Variants in ENTREP2 observed in about 807,000 individuals in gnomAD.
ENTREP2 encodes the protein protein ENTREP2.
At chr15:29,474,609 C>T in the ENTREP2 span, among the ~76,000 whole-genome samples, 1 of 151,998 alleles carries the variant, frequency 6.6e-6, no homozygotes, top group South Asian at 2.1e-4. Flanking sequence ...GGCTGGAGTG[C>T]AGTGGTACAA....
chr15:29,470,809 C>T, the ENTREP2 span, among the ~76,000 whole-genome samples: 1 of 152,178 alleles, frequency 6.6e-6, no homozygotes, highest in African/African-American at 2.4e-5. Context: ...GATTCTCTTC[C>T]TAGATTAATT....
the ENTREP2 span, among the ~76,000 whole-genome samples, chr15:29,391,786 A>T: frequency 6.6e-6 from 1 of 152,134 alleles, no homozygotes; most frequent in Non-Finnish European, 1.5e-5. Context: ...TTTCAAAATA[A>T]TTTGTTTCCT....
chr15:29,219,142 G>A, the ENTREP2 span, among the ~76,000 whole-genome samples: 2 of 151,332 alleles, frequency 1.3e-5, no homozygotes, highest in African/African-American at 4.9e-5. Flanking sequence ...CCATCAAAAA[G>A]TGGGCTAAGG....
chr15:29,650,503 G>A, the ENTREP2 span, among the ~76,000 whole-genome samples: 1 of 152,032 alleles, frequency 6.6e-6, no homozygotes, highest in Non-Finnish European at 1.5e-5. Context: ...TGAGACAGGA[G>A]AATCACTTGA....
the ENTREP2 span, chr15:29,234,795 A>G: frequency 6.8e-7 from 1 of 1,472,752 alleles, no homozygotes. Flanking sequence ...CCATCTCCAG[A>G]GCAGGATACA....
chr15:29,446,266 C>A, the ENTREP2 span, among the ~76,000 whole-genome samples: 5,362 of 152,290 alleles, frequency 0.035, 133 homozygotes, highest in South Asian at 0.11. Context: ...AGCAACCCCA[C>A]ACGGACTAAG....
chr15:29,621,866 A>G, the ENTREP2 span, among the ~76,000 whole-genome samples: 11,000 of 152,254 alleles, frequency 0.072, 483 homozygotes, highest in East Asian at 0.16. Flanking sequence ...CAAGCCAAGC[A>G]TCCATCCACA....
the ENTREP2 span, among the ~76,000 whole-genome samples, chr15:29,535,888 G>A: frequency 6.6e-6 from 1 of 152,028 alleles, no homozygotes; most frequent in Non-Finnish European, 1.5e-5. Flanking sequence ...TTGAAGCACT[G>A]GCTACAATCC....
the ENTREP2 span, among the ~76,000 whole-genome samples, chr15:29,312,824 C>G: frequency 6.6e-6 from 1 of 152,096 alleles, no homozygotes; most frequent in Non-Finnish European, 1.5e-5. Flanking sequence ...AAGGGTCACA[C>G]GTTTCTCATT....
chr15:29,519,341 T>A, the ENTREP2 span, among the ~76,000 whole-genome samples: 2 of 151,638 alleles, frequency 1.3e-5, no homozygotes. Flanking sequence ...TTACACTGAG[T>A]GTGCCTGCCT....
At chr15:29,164,448 CTAACACA>C in the ENTREP2 span, among the ~76,000 whole-genome samples, 6 of 152,230 alleles carry the variant, frequency 3.9e-5, no homozygotes, top group Non-Finnish European at 7.4e-5. Context: ...GGAGACTCAC[CTAACACA>C]TAAGGACTCA....
At chr15:29,498,987 C>T in the ENTREP2 span, among the ~76,000 whole-genome samples, 1 of 152,054 alleles carries the variant, frequency 6.6e-6, no homozygotes, top group African/African-American at 2.4e-5. Flanking sequence ...TTTTGGTTTC[C>T]ATTTGCAAGA....
chr15:29,434,254 T>C, the ENTREP2 span, among the ~76,000 whole-genome samples: 1 of 152,224 alleles, frequency 6.6e-6, no homozygotes, highest in African/African-American at 2.4e-5. Context: ...TGCATTTCAT[T>C]GCCTCTGCTT....
At chr15:29,519,400 C>A in the ENTREP2 span, among the ~76,000 whole-genome samples, 31 of 152,012 alleles carry the variant, frequency 2.0e-4, no homozygotes, top group South Asian at 4.8e-3. Flanking sequence ...TCTGCCACCC[C>A]GAGATAGCAA....
At chr15:29,667,156 T>G in the ENTREP2 span, among the ~76,000 whole-genome samples, 2 of 152,084 alleles carry the variant, frequency 1.3e-5, no homozygotes, top group Non-Finnish European at 2.9e-5. Flanking sequence ...GGTGCCAGGT[T>G]AGGGCTTCAA....
the ENTREP2 span, among the ~76,000 whole-genome samples, chr15:29,139,251 G>A: frequency 2.6e-5 from 4 of 152,288 alleles, no homozygotes; most frequent in Admixed American, 6.5e-5. Context: ...AATGGCTCCC[G>A]TGGGCCTCCT....
the ENTREP2 span, among the ~76,000 whole-genome samples, chr15:29,314,962 G>A: frequency 6.6e-6 from 1 of 152,212 alleles, no homozygotes; most frequent in Non-Finnish European, 1.5e-5. Flanking sequence ...TGAGGCAGGA[G>A]AATTGTTTGA....
the ENTREP2 span, among the ~76,000 whole-genome samples, chr15:29,658,403 G>T: frequency 6.6e-6 from 1 of 152,174 alleles, no homozygotes; most frequent in African/African-American, 2.4e-5. Flanking sequence ...CCAGTCTCGA[G>T]TATGTCCTTA....
At chr15:29,463,751 T>G in the ENTREP2 span, among the ~76,000 whole-genome samples, 1 of 152,196 alleles carries the variant, frequency 6.6e-6, no homozygotes, top group Non-Finnish European at 1.5e-5. Flanking sequence ...CAGATATCTG[T>G]GCACCTATGT....
Sources: gnomAD v4.1 joint callset for allele counts (sites outside exome capture counted in the v4.1 genomes callset) on GRCh38, gnomAD v4.1.1 for gene constraint, MANE v1.5 for transcripts, NCBI Gene and HGNC (gene_info 2026-07-23, HGNC 2026-07-21) for gene names.